The following HERC4 variants were observed in gnomAD, a reference collection of about 807,000 sequenced individuals.
HERC4 encodes the protein probable E3 ubiquitin-protein ligase HERC4.
A neutral mutation model predicts 124.3 loss-of-function variants in HERC4; 28 were observed. The ratio of observed to expected loss-of-function variants is 0.23; its 90% CI spans 0.17 to 0.31. The LOEUF is 0.31. Among genes scored for constraint, HERC4 ranks in the 10% least tolerant of loss-of-function variants. The pLI is 1.00. For missense variants in HERC4, 713 were observed against 1,229.3 expected, an observed-to-expected ratio of 0.58 and a Z score of 6.28; for synonymous variants, 407 against 421.5, an observed-to-expected ratio of 0.97 and a Z score of 0.42.
chr10:68,004,104 T>C (rs111951444), intron 9 of HERC4, among the ~76,000 whole-genome samples: 3,423 of 152,306 alleles, frequency 0.022, 140 homozygotes, highest in African/African-American at 0.078. Flanking sequence ...TGATGTTGAG[T>C]ACCTTTCATA....
chr10:68,044,422 T>C lies in HERC4; in HGVS notation c.368A>G (p.Glu123Gly). Residue 123 changes from glutamate (E) to glycine (G), a missense_variant, in exon 4 of 25, where the codon GAA becomes GGA. By Grantham distance (98) the Glu-to-Gly change is moderately conservative (BLOSUM62 -2). Coordinates refer to ENST00000373700, the MANE Select transcript of HERC4 (RefSeq NM_015601.4). ...TTGTTACCTGGGTACTCTGATGCAT[T>C]CCTCTGATCCTACCAGGCCAAGCTG... ...DGQLGLVGSEECIRVPRNIKS... is the reference protein window; with the variant it reads ...DGQLGLVGSEGCIRVPRNIKS... The C allele has an allele frequency of 1.2e-6, 2 of 1,612,590 alleles. No homozygotes were observed. Among genetic ancestry groups the C allele is most frequent in the Non-Finnish European group, 1.7e-6 (2 of 1,179,578 alleles).
chr10:68,013,222 GCA>G (rs1308488892), intron 9 of HERC4, among the ~76,000 whole-genome samples: 1 of 152,094 alleles, frequency 6.6e-6, no homozygotes, highest in Non-Finnish European at 1.5e-5. Flanking sequence ...TGTCATCATT[GCA>G]CACTTAGTAG....
chr10:68,043,047 AGTT>A (rs1243329560), intron 4 of HERC4, among the ~76,000 whole-genome samples: 1 of 152,194 alleles, frequency 6.6e-6, no homozygotes, highest in African/African-American at 2.4e-5. Flanking sequence ...CCAGGTTCAT[AGTT>A]GTTATTATTG....
intron 15 of HERC4, among the ~76,000 whole-genome samples, chr10:67,986,722 T>C (rs1393860414): frequency 1.3e-5 from 2 of 152,162 alleles, no homozygotes; most frequent in African/African-American, 2.4e-5. Flanking sequence ...TCAATCCTTA[T>C]AGATAATTCT....
chr10:68,053,560 G>A (rs1302863399), intron 3 of HERC4, among the ~76,000 whole-genome samples: 1 of 151,938 alleles, frequency 6.6e-6, no homozygotes, highest in Non-Finnish European at 1.5e-5. Flanking sequence ...CAAAGTGCTG[G>A]GATTATAGGT....
chr10:68,015,534 A>G (rs2038212196), intron 8 of HERC4, among the ~76,000 whole-genome samples: 1 of 152,086 alleles, frequency 6.6e-6, no homozygotes, highest in African/African-American at 2.4e-5. Context: ...TGGTTTTCAA[A>G]TTTCTTTTGT....
intron 3 of HERC4, among the ~76,000 whole-genome samples, chr10:68,062,686 G>A (rs2041092394): frequency 6.6e-6 from 1 of 152,082 alleles, no homozygotes; most frequent in African/African-American, 2.4e-5. Context: ...CATGAACCCG[G>A]GAGGCGGAGG....
intron 3 of HERC4, among the ~76,000 whole-genome samples, chr10:68,056,321 C>A (rs1455313313): frequency 2.6e-5 from 4 of 152,128 alleles, no homozygotes; most frequent in Non-Finnish European, 5.9e-5. Flanking sequence ...TTTCCTAAGA[C>A]ACAACCAATA....
At chr10:68,047,288 G>A (rs968987883) in intron 3 of HERC4, among the ~76,000 whole-genome samples, 1 of 151,382 alleles carries the variant, frequency 6.6e-6, no homozygotes, top group African/African-American at 2.4e-5. Flanking sequence ...GAAATGGCCT[G>A]TGGAGAAATG....
chr10:67,986,599 C>T (rs189645229), intron 15 of HERC4, among the ~76,000 whole-genome samples: 242 of 152,186 alleles, frequency 1.6e-3, no homozygotes, highest in Non-Finnish European at 2.5e-3. Flanking sequence ...TCAAGTGATC[C>T]GCTCGCCTCA....
At chr10:68,018,583 G>A (rs975094348) in intron 8 of HERC4, among the ~76,000 whole-genome samples, 11 of 152,052 alleles carry the variant, frequency 7.2e-5, no homozygotes, top group African/African-American at 1.2e-4. Flanking sequence ...GTATGACTAC[G>A]TACATGAGTA....
chr10:67,986,830 C>T (rs1366246372), intron 15 of HERC4, among the ~76,000 whole-genome samples: 1 of 152,012 alleles, frequency 6.6e-6, no homozygotes, highest in Non-Finnish European at 1.5e-5. Flanking sequence ...GATTCCTAGT[C>T]CAGCGCCTAT....
intron 3 of HERC4, among the ~76,000 whole-genome samples, chr10:68,059,588 C>CATAATATTATATATT (rs1422872478): frequency 2.4e-5 from 2 of 82,038 alleles, no homozygotes; most frequent in African/African-American, 1.2e-4. Flanking sequence ...TATTATATAT[C>CATAATATTATATATT]ATATTATATA....
At chr10:68,020,769 A>C (rs1589344976) in intron 8 of HERC4, among the ~76,000 whole-genome samples, 2 of 83,880 alleles carry the variant, frequency 2.4e-5, no homozygotes, top group South Asian at 9.0e-4. Flanking sequence ...ACTCCGTCTC[A>C]AAAAAAAAAA....
intron 19 of HERC4, among the ~76,000 whole-genome samples, chr10:67,945,275 C>T (rs895655680): frequency 6.6e-6 from 1 of 152,170 alleles, no homozygotes; most frequent in Admixed American, 6.5e-5. Context: ...GGAAACCTTA[C>T]AGGCCAGGAG....
intron 4 of HERC4, among the ~76,000 whole-genome samples, chr10:68,042,171 C>T (rs543119268): frequency 6.6e-6 from 1 of 152,252 alleles, no homozygotes; most frequent in South Asian, 2.1e-4. Flanking sequence ...GCCTGCCTGG[C>T]TAATTTTTTG....
chr10:68,025,768 C>T, intron 7 of HERC4, 92 bp from the exon 8 acceptor site: 2 of 1,349,878 alleles, frequency 1.5e-6, no homozygotes, highest in Non-Finnish European at 2.0e-6. Context: ...TTAATATAAA[C>T]TCAGTTTTTT....
At chr10:68,002,231 A>G (rs1287962865) in intron 9 of HERC4, among the ~76,000 whole-genome samples, 1 of 152,080 alleles carries the variant, frequency 6.6e-6, no homozygotes, top group Non-Finnish European at 1.5e-5. Flanking sequence ...ACAAATGTCA[A>G]CCTTCATAGT....
chr10:67,936,153 C>T lies in HERC4; in HGVS notation c.2654G>A (p.Arg885Gln), dbSNP rs755532061. ...GADTAVNKQN[R>Q]QEFVDAYVDY... ...ACTGTTGCTGCTAAAATTCACTTAC[C>T]GATTTTGTTTGTTAACAGCTGTGTC... Residue 885 changes from arginine to glutamine, a missense_variant and splice_region_variant, in exon 22 of 25, where the codon CGG becomes CAG. Coordinates refer to ENST00000373700, the MANE Select transcript of HERC4 (RefSeq NM_015601.4). 1.9e-6 allele frequency: 3 copies of T among 1,570,136 alleles called. No homozygotes were observed. The highest frequency in any genetic ancestry group is 1.7e-4 in the Middle Eastern group (1 of 5,890).
Sources: gnomAD v4.1 joint callset for allele counts (sites outside exome capture counted in the v4.1 genomes callset) on GRCh38, gnomAD v4.1.1 for gene constraint, MANE v1.5 for transcripts, NCBI Gene and HGNC (gene_info 2026-07-23, HGNC 2026-07-21) for gene names.